GCKR: variants seen among roughly 807,000 people sequenced by gnomAD.
GCKR encodes glucokinase regulatory protein.
A neutral mutation model predicts 82.9 loss-of-function variants in GCKR; 73 were observed. That is an observed-to-expected ratio of 0.88 (90% CI 0.73 to 1.07). The LOEUF is 1.07. Ranked by LOEUF, GCKR falls within the 50% of genes least tolerant of loss-of-function variation. GCKR has a pLI of 0.00. For missense variants in GCKR, 784 were observed against 782.1 expected (o/e 1.00, Z -0.03); for synonymous variants, 294 against 291.8 (o/e 1.01, Z -0.08).
chr2:27,505,125 C>CAAAAA (rs146563052), intron 9 of GCKR, among the ~76,000 whole-genome samples: 3 of 25,430 alleles, frequency 1.2e-4, no homozygotes, highest in African/African-American at 1.7e-4. Context: ...GACTCCATCT[C>CAAAAA]AAAAAAAAAA....
intron 16 of GCKR, among the ~76,000 whole-genome samples, chr2:27,516,630 A>G (rs190397431): frequency 4.5e-4 from 68 of 152,226 alleles, no homozygotes; most frequent in Non-Finnish European, 9.1e-4. Flanking sequence ...GGCTATATCC[A>G]GGCCGATTTT....
intron 16 of GCKR, among the ~76,000 whole-genome samples, chr2:27,517,536 C>T (rs913938473): frequency 7.2e-5 from 11 of 152,204 alleles, no homozygotes; most frequent in South Asian, 2.1e-4. Context: ...GCCCCCTGCC[C>T]CCCATGATTC....
At chr2:27,501,370 T>A in intron 8 of GCKR, 141 bp downstream of exon 8, 2 of 710,956 alleles carry the variant, frequency 2.8e-6, no homozygotes, top group Admixed American at 4.1e-5. Flanking sequence ...GGGGTGCCCC[T>A]AAGCTTATAA....
intron 12 of GCKR, 103 bp from the exon 13 acceptor site, chr2:27,507,132 C>T: frequency 2.3e-6 from 2 of 868,474 alleles, no homozygotes; most frequent in Non-Finnish European, 4.0e-6. Flanking sequence ...CTACGCCCCA[C>T]TTGCCACTTT....
At chr2:27,499,548 A>T in intron 7 of GCKR, 98 bp downstream of exon 7, 2 of 964,802 alleles carry the variant, frequency 2.1e-6, no homozygotes, top group Non-Finnish European at 1.7e-6. Flanking sequence ...CGGTGCTAGA[A>T]GGCAGGAAGT....
intron 16 of GCKR, among the ~76,000 whole-genome samples, chr2:27,516,989 G>T (rs1374764918): frequency 6.6e-6 from 1 of 150,568 alleles, no homozygotes; most frequent in African/African-American, 2.4e-5. Context: ...TCCTCAGCCT[G>T]GCTAGGACCA....
rs1238400322 is a variant in GCKR at position 27,497,572 on chromosome 2, G to A, written c.227G>A (p.Ser76Asn). The A allele has an allele frequency of 8.7e-6, 14 of 1,612,418 alleles. No individual in the cohort carries two copies. The highest frequency in any genetic ancestry group is 1.2e-5 in the Non-Finnish European group (14 of 1,178,486). The stretch of plus-strand genomic sequence containing the variant: ...GCATATTCCCTACAGAGACTCTACA[G>A]CGAATCCATTCTGACCACCATGGTA... ...QALSTYQRLY[S>N]ESILTTMVQV... The change falls in exon 3 of 19, where the codon AGC (serine) becomes AAC (asparagine). Residue 76 changes from serine (S) to asparagine (N), a missense_variant. Ser to Asn is a conservative substitution (Grantham distance 46, BLOSUM62 1). Transcript: ENST00000264717.
rs771102257 is a variant in GCKR, at chr2:27,496,897, G to C, written c.-8G>C. 3.1e-6 allele frequency: 5 copies of C among 1,612,654 alleles called. No homozygotes were observed. In the Admixed American group the frequency reaches 8.3e-5, roughly 27 times the overall value. On this transcript the variant is annotated 5_prime_UTR_variant, in exon 1 of 19. Transcript: ENST00000264717. ...GCAGGAGGAACAGTGTATCCACAGC[G>C]TGGGACCATGCCAGGCACAAAACGG...
chr2:27,522,985 GC>G (rs1169005351), intron 18 of GCKR, among the ~76,000 whole-genome samples: 1 of 149,842 alleles, frequency 6.7e-6, no homozygotes, highest in Admixed American at 6.7e-5. Context: ...TGCAACCTCT[GC>G]CCCCGGGTTC....
chr2:27,507,808 G>C, intron 14 of GCKR, 31 bp downstream of exon 14: 3 of 1,326,064 alleles, frequency 2.3e-6, no homozygotes, highest in African/African-American at 2.9e-5. Flanking sequence ...GGTGAGGGGT[G>C]GGGAGGGGGA....
chr2:27,504,246 C>T (rs566857312), intron 9 of GCKR, among the ~76,000 whole-genome samples: 1 of 152,326 alleles, frequency 6.6e-6, no homozygotes, highest in East Asian at 1.9e-4. Context: ...AGGTAGAATT[C>T]CATATGACAT....
At chr2:27,498,234 T>C in intron 3 of GCKR, 21 bp from the exon 4 acceptor site, 2 of 1,592,722 alleles carry the variant, frequency 1.3e-6, no homozygotes, top group African/African-American at 1.3e-5. Context: ...CCTGGTAATA[T>C]ATGCCTCTTT....
chr2:27,496,992 C>A, intron 1 of GCKR, 28 bp downstream of exon 1: 1 of 1,559,902 alleles, frequency 6.4e-7, no homozygotes, highest in Non-Finnish European at 8.8e-7. Context: ...TGTTGGCTTT[C>A]TGTGCTGATT....
chr2:27,512,339 C>T (rs1275826651), intron 16 of GCKR, among the ~76,000 whole-genome samples: 1 of 150,394 alleles, frequency 6.6e-6, no homozygotes, highest in African/African-American at 2.4e-5. Flanking sequence ...AGTTCAAGAC[C>T]AGCCTGGCCA....
chr2:27,507,148 C>T lies in GCKR; in HGVS notation c.1067-87C>T, dbSNP rs1036318845. On this transcript the variant is annotated intron_variant, in intron 12 of 18. Coordinates refer to ENST00000264717, the MANE Select transcript of GCKR (RefSeq NM_001486.4). ...TACGCCCCACTTGCCACTTTTCCTC[C>T]CAGTCCCATTTTCTCCCCCTGAAGC... 5.2e-6 allele frequency: 5 copies of T among 959,854 alleles called. No homozygotes were observed. The African/African-American group carries it at 8.0e-5, about 15-fold the overall frequency. The allele number at this position is 959,854 out of a possible 1,614,324, so 59.5% of individuals were successfully genotyped here.
Position 27,506,609 on chromosome 2 carries a change from T to G in GCKR, c.968+30T>G, listed in dbSNP as rs767489622. On this transcript the variant is annotated intron_variant, in intron 11 of 18. Transcript: ENST00000264717. ...GTGGATATGTGTTTAGAGGTGAGGA[T>G]GTGGCCCGGATGGAGAATACTGAGA... The G allele has an allele frequency of 2.4e-5, 35 of 1,471,694 alleles. No individual in the cohort carries two copies. In the East Asian group the frequency reaches 7.7e-4, roughly 32 times the overall value. The allele number at this position is 1,471,694 out of a possible 1,614,324, so 91.2% of individuals were successfully genotyped here. A position where few individuals can be genotyped will look rare whatever the true frequency, so the allele number is the denominator to read the frequency against.
At chr2:27,513,909 TTGTG>T (rs57848910) in intron 16 of GCKR, among the ~76,000 whole-genome samples, 5,493 of 144,688 alleles carry the variant, frequency 0.038, 100 homozygotes, top group Middle Eastern at 0.064. Flanking sequence ...TTATTTGCAT[TTGTG>T]TGTGTGTGTG....
chr2:27,499,071 T>C (rs1310464731), intron 5 of GCKR, 71 bp from the exon 6 acceptor site: 1 of 899,034 alleles, frequency 1.1e-6, no homozygotes, highest in African/African-American at 1.6e-5. Flanking sequence ...TCTCTTAATG[T>C]AGCCTGCCCT....
intron 16 of GCKR, among the ~76,000 whole-genome samples, chr2:27,512,507 C>A (rs895186674): frequency 6.7e-6 from 1 of 150,280 alleles, no homozygotes; most frequent in Non-Finnish European, 1.5e-5. Context: ...TGCACTCCAG[C>A]CTGGGTGACA....
Sources: gnomAD v4.1 joint callset for allele counts (sites outside exome capture counted in the v4.1 genomes callset) on GRCh38, gnomAD v4.1.1 for gene constraint, MANE v1.5 for transcripts, NCBI Gene and HGNC (gene_info 2026-07-23, HGNC 2026-07-21) for gene names.